SP100: variants seen among roughly 807,000 people sequenced by gnomAD.
The protein encoded by SP100 is SP100 nuclear body protein.
SP100 carries 84 observed loss-of-function variants against 130.0 expected under a neutral mutation model. The observed-to-expected ratio is 0.65, with a 90% CI of 0.54 to 0.77. SP100 has a LOEUF of 0.77. Among genes scored for constraint, SP100 ranks in the 30% least tolerant of loss-of-function variants. The pLI is 0.00. For synonymous variants in SP100, 331 were observed against 351.7 expected, an observed-to-expected ratio of 0.94 and a Z score of 0.66; for missense variants, 978 against 1,052.2, an observed-to-expected ratio of 0.93 and a Z score of 0.97.
rs1491073080 is a variant in SP100, at chr2:230,436,865, T to TGTATATGTGTATACACACAC, written c.108-6071_108-6052dup. On this transcript the variant is annotated intron_variant, in intron 2 of 28. Transcript: ENST00000340126. ...TAAAATATGTATATGTGAACACATA[T>TGTATATGTGTATACACACAC]GTATATGTGTATACACACACATATA... 5.3e-4 allele frequency among the ~76,000 whole-genome samples: 39 copies of TGTATATGTGTATACACACAC among 73,578 alleles called. 1 individual carries two copies. The highest frequency in any genetic ancestry group is 2.2e-3 in the African/African-American group (38 of 17,068). 48.3% of individuals were successfully genotyped at this position (73,578 alleles called of 152,430 possible). A position where few individuals can be genotyped will look rare whatever the true frequency, so the allele number is the denominator to read the frequency against.
At chr2:230,514,808 C>T (rs1690812311) in intron 24 of SP100, among the ~76,000 whole-genome samples, 1 of 152,204 alleles carries the variant, frequency 6.6e-6, no homozygotes, top group African/African-American at 2.4e-5. Context: ...TGTGTCTGCA[C>T]TACTTGTAAG....
intron 24 of SP100, among the ~76,000 whole-genome samples, chr2:230,529,653 A>G (rs985215502): frequency 2.0e-5 from 3 of 152,256 alleles, no homozygotes; most frequent in Non-Finnish European, 4.4e-5. Context: ...CTGTTTGCAG[A>G]TGGCATGATT....
intron 14 of SP100, 116 bp from the exon 15 acceptor site, chr2:230,469,887 CCTAGTGGTGGGA>C (rs1434470999): frequency 1.3e-6 from 2 of 1,511,450 alleles, no homozygotes; most frequent in East Asian, 5.1e-5. Context: ...CAAAGGGTGG[CCTAGTGGTGGGA>C]CTATTTCTCC....
intron 15 of SP100, chr2:230,470,657 C>G (rs1481109791): frequency 6.3e-6 from 1 of 159,216 alleles, no homozygotes; most frequent in Non-Finnish European, 1.3e-5. Flanking sequence ...GGCAGGCTAA[C>G]TATACCCATT....
chr2:230,532,221 A>T (rs1466194281), intron 24 of SP100, among the ~76,000 whole-genome samples: 7 of 146,508 alleles, frequency 4.8e-5, no homozygotes, highest in African/African-American at 1.2e-4. Context: ...TTCCTAGAAA[A>T]AAATAAATAA....
intron 17 of SP100, among the ~76,000 whole-genome samples, chr2:230,475,249 G>C (rs1299171455): frequency 6.6e-6 from 1 of 152,098 alleles, no homozygotes; most frequent in Non-Finnish European, 1.5e-5. Flanking sequence ...GTGTGAGATG[G>C]TATCTCACTG....
intron 15 of SP100, chr2:230,470,510 T>C: frequency 2.6e-6 from 2 of 774,374 alleles, no homozygotes; most frequent in Non-Finnish European, 3.1e-6. Flanking sequence ...AAATAAAAAC[T>C]TCAGATCAAA....
At chr2:230,521,145 C>T (rs1691152193) in intron 24 of SP100, among the ~76,000 whole-genome samples, 1 of 152,192 alleles carries the variant, frequency 6.6e-6, no homozygotes, top group Admixed American at 6.6e-5. Flanking sequence ...TTTTCACCAT[C>T]CTTTCTCTGC....
At chr2:230,506,071 A>G (rs888299139) in intron 21 of SP100, among the ~76,000 whole-genome samples, 3 of 152,194 alleles carry the variant, frequency 2.0e-5, no homozygotes, top group Admixed American at 6.6e-5. Context: ...TGTTGGTAGT[A>G]ATATTTCTTC....
intron 2 of SP100, among the ~76,000 whole-genome samples, chr2:230,422,793 T>G (rs1441850641): frequency 1.6e-4 from 24 of 152,316 alleles, no homozygotes; most frequent in Non-Finnish European, 5.9e-5. Context: ...AATGTGACCT[T>G]TCCTGGAATC....
At chr2:230,464,196 T>C (rs1247011038) in intron 11 of SP100, 46 bp downstream of exon 11, 2 of 1,174,424 alleles carry the variant, frequency 1.7e-6, no homozygotes, top group African/African-American at 3.0e-5. Context: ...ATATCCAGAG[T>C]ACAAATCCAG....
At chr2:230,452,475 C>G (rs62193408) in intron 8 of SP100, among the ~76,000 whole-genome samples, 2 of 152,146 alleles carry the variant, frequency 1.3e-5, no homozygotes, top group Non-Finnish European at 2.9e-5. Context: ...TGCACCTGGC[C>G]GCCATTGGAA....
At chr2:230,515,823 T>C in intron 24 of SP100, 1 of 1,408,812 alleles carries the variant, frequency 7.1e-7, no homozygotes. Flanking sequence ...CCTGTCCTGG[T>C]GGTATTTAGC....
intron 24 of SP100, among the ~76,000 whole-genome samples, chr2:230,522,646 G>A (rs1345772399): frequency 2.0e-5 from 3 of 150,908 alleles, no homozygotes; most frequent in Non-Finnish European, 3.0e-5. Flanking sequence ...ACACCACCAC[G>A]CCCAGCTAAT....
chr2:230,461,376 A>C lies in SP100; in HGVS notation c.935A>C (p.Gln312Pro). 1 of 1,614,190 alleles carries C rather than the reference A, an allele frequency of 6.2e-7. No homozygotes were observed. Among genetic ancestry groups the C allele is most frequent in the Non-Finnish European group, 8.5e-7 (1 of 1,179,988 alleles). Residue 312 changes from glutamine to proline, a missense_variant, in exon 9 of 29, where the codon CAA becomes CCA. By Grantham distance (76) the Gln-to-Pro change is moderately conservative. Coordinates refer to ENST00000340126, the MANE Select transcript of SP100 (RefSeq NM_001080391.2). ...FSNSKVECQAQARTHHNQASD... is the reference protein window; with the variant it reads ...FSNSKVECQAPARTHHNQASD... ...AATTCAAAAGTTGAGTGCCAAGCCC[A>C]AGCAAGAACTCATCATAACCAGGCA...
chr2:230,428,694 G>A (rs1214493608), intron 2 of SP100, among the ~76,000 whole-genome samples: 3 of 151,982 alleles, frequency 2.0e-5, no homozygotes, highest in East Asian at 1.9e-4. Context: ...CACCCACCTC[G>A]GCCTCCCAAA....
intron 2 of SP100, among the ~76,000 whole-genome samples, chr2:230,430,202 T>C (rs1405237156): frequency 6.6e-6 from 1 of 152,160 alleles, no homozygotes; most frequent in African/African-American, 2.4e-5. Flanking sequence ...TGTTGAGATC[T>C]CCAGCTGGGT....
intron 14 of SP100, 88 bp from the exon 15 acceptor site, chr2:230,469,927 C>A: frequency 6.6e-7 from 1 of 1,519,440 alleles, no homozygotes; most frequent in Non-Finnish European, 8.9e-7. Flanking sequence ...CCACAAGCTT[C>A]TCTTGTTCAG....
chr2:230,451,359 T>A (rs1174388887), intron 8 of SP100, among the ~76,000 whole-genome samples: 1 of 152,226 alleles, frequency 6.6e-6, no homozygotes, highest in Non-Finnish European at 1.5e-5. Flanking sequence ...ATGTTCATTG[T>A]GGTTTTAGTT....
Sources: gnomAD v4.1 joint callset for allele counts (sites outside exome capture counted in the v4.1 genomes callset) on GRCh38, gnomAD v4.1.1 for gene constraint, MANE v1.5 for transcripts, NCBI Gene and HGNC (gene_info 2026-07-23, HGNC 2026-07-21) for gene names.